The following CCL14 variants were observed in gnomAD, a reference collection of about 807,000 sequenced individuals.
The protein encoded by CCL14 is C-C motif chemokine 14.
Under a neutral mutation model 8.2 loss-of-function variants are expected in CCL14, and 8 were observed. The observed-to-expected ratio is 0.98, with a 90% CI of 0.57 to 1.76. The LOEUF (loss-of-function observed/expected upper bound fraction) is 1.76, where lower values mean the gene tolerates loss of function less well. CCL14 is among the 40% of genes most tolerant of loss of function. The pLI is 0.00. For missense variants in CCL14, 127 were observed against 118.3 expected (o/e 1.07, Z -0.34); for synonymous variants, 50 against 43.2 (o/e 1.16, Z -0.62).
intron 1 of CCL14, chr17:35,985,835 G>A (rs2089758770): frequency 6.7e-7 from 1 of 1,496,180 alleles, no homozygotes; most frequent in South Asian, 1.2e-5. Flanking sequence ...GTGATAAATA[G>A]TTTTGGTTAT....
rs1256279698 is a variant in CCL14, at chr17:35,983,697, A to G, written c.*104T>C. The stretch of plus-strand genomic sequence containing the variant: ...CTTTAATTCAAAGCAGGGAAGCTCC[A>G]AGAGGGTGACTGGGGCTGAGAGTTA... On this transcript the variant is annotated 3_prime_UTR_variant, in exon 3 of 3. Coordinates refer to ENST00000618404, the MANE Select transcript of CCL14 (RefSeq NM_032963.4). 1 of 810,168 alleles carries G rather than the reference A, an allele frequency of 1.2e-6. No homozygotes were observed. The highest frequency in any genetic ancestry group is 1.8e-5 in the Admixed American group (1 of 56,028). The allele number at this position is 810,168 out of a possible 1,614,324, so 50.2% of individuals were successfully genotyped here. A position where few individuals can be genotyped will look rare whatever the true frequency, so the allele number is the denominator to read the frequency against.
At chr17:35,985,792 G>A in intron 1 of CCL14, 1 of 1,551,114 alleles carries the variant, frequency 6.4e-7, no homozygotes, top group Non-Finnish European at 8.7e-7. Context: ...TTTCCCCCCA[G>A]TTTCTGAAAA....
intron 1 of CCL14, chr17:35,985,623 G>A (rs1011826071): frequency 2.1e-5 from 16 of 762,850 alleles, no homozygotes; most frequent in Non-Finnish European, 3.3e-5. Flanking sequence ...GCATCCTCAC[G>A]ATCCAAAGAA....
chr17:35,986,663 G>C lies in CCL14; in HGVS notation c.-14C>G. 1 of 1,608,484 alleles carries C rather than the reference G, an allele frequency of 6.2e-7. No individual in the cohort carries two copies. The highest frequency in any genetic ancestry group is 1.1e-5 in the South Asian group (1 of 90,958). ...GGAGATCTTCATGCTGTGGGAAGCT[G>C]TTGTGGGAGGAGAGCTGGCCTGGTG... On this transcript the variant is annotated 5_prime_UTR_variant, in exon 1 of 3. Coordinates refer to ENST00000618404, the MANE Select transcript of CCL14 (RefSeq NM_032963.4).
chr17:35,985,806 G>C (rs1398099180), intron 1 of CCL14: 2 of 1,549,118 alleles, frequency 1.3e-6, no homozygotes, highest in Admixed American at 3.9e-5. Context: ...CTGAAAAGGA[G>C]AGTAGGTAAA....
chr17:35,983,671 T>C lies in CCL14; in HGVS notation c.*130A>G, dbSNP rs976545129. The stretch of plus-strand genomic sequence containing the variant: ...TGAGGCCAGGGAAGAGCATGAGTGG[T>C]CTTTAATTCAAAGCAGGGAAGCTCC... On this transcript the variant is annotated 3_prime_UTR_variant, in exon 3 of 3. Coordinates refer to ENST00000618404, the MANE Select transcript of CCL14 (RefSeq NM_032963.4). 1.4e-6 allele frequency: 1 copy of C among 699,750 alleles called. No individual in the cohort carries two copies. Among genetic ancestry groups the C allele is most frequent in the Admixed American group, 2.1e-5 (1 of 47,364 alleles). 43.3% of individuals were successfully genotyped at this position (699,750 alleles called of 1,614,324 possible). A position where few individuals can be genotyped will look rare whatever the true frequency, so the allele number is the denominator to read the frequency against.
intron 1 of CCL14, chr17:35,985,250 T>A (rs2089745487): frequency 6.3e-6 from 1 of 157,830 alleles, no homozygotes; most frequent in South Asian, 2.0e-4. Flanking sequence ...TGGGCCTCTG[T>A]GGAAGATATT....
chr17:35,984,071 C>A (rs1272822212), intron 2 of CCL14, among the ~76,000 whole-genome samples, 183 bp from the exon 3 acceptor site: 1 of 152,158 alleles, frequency 6.6e-6, no homozygotes, highest in Non-Finnish European at 1.5e-5. Context: ...ACCCCTAGAC[C>A]CATCTAGTCT....
At chr17:35,986,326 A>C (rs1226599178) in intron 1 of CCL14, 45 of 498,390 alleles carry the variant, frequency 9.0e-5, no homozygotes, top group Non-Finnish European at 1.5e-4. Flanking sequence ...ATCCCAACTT[A>C]AACTCTTAAG....
Position 35,985,916 on chromosome 17 carries a change from T to C in CCL14, c.79+655A>G, listed in dbSNP as rs2089759975. 1.0e-5 allele frequency: 8 copies of C among 800,568 alleles called. No individual in the cohort carries two copies. The East Asian group carries it at 1.6e-4, about 16-fold the overall frequency. The allele number at this position is 800,568 out of a possible 1,614,324, so 49.6% of individuals were successfully genotyped here. ...CTAGGATGGACCCCACACTGTCGTG[T>C]TTCCCCCCAGCCCATACCCAAGCAA... On this transcript the variant is annotated intron_variant, in intron 1 of 2. Coordinates refer to ENST00000618404, the MANE Select transcript of CCL14 (RefSeq NM_032963.4).
At chr17:35,986,367 T>A (rs1241034915) in intron 1 of CCL14, 2 of 586,450 alleles carry the variant, frequency 3.4e-6, no homozygotes, top group East Asian at 2.8e-5. Flanking sequence ...CTCATCTCCA[T>A]CCTGCTCACC....
intron 1 of CCL14, 37 bp downstream of exon 1, chr17:35,986,534 G>C: frequency 1.3e-6 from 2 of 1,539,332 alleles, no homozygotes; most frequent in East Asian, 2.2e-5. Flanking sequence ...TTCCCTGCAG[G>C]CTCTAGGTTG....
intron 1 of CCL14, chr17:35,985,762 T>C: frequency 6.4e-7 from 1 of 1,551,596 alleles, no homozygotes; most frequent in East Asian, 2.4e-5. Flanking sequence ...CAACTTTAGC[T>C]GTATTTTAAC....
chr17:35,984,253 C>T, intron 2 of CCL14, 85 bp downstream of exon 2: 4 of 1,010,132 alleles, frequency 4.0e-6, no homozygotes, highest in Non-Finnish European at 3.1e-6. Context: ...GCTGGGGGTC[C>T]CCATTCCACC....
chr17:35,986,133 C>T, intron 1 of CCL14: 1 of 401,704 alleles, frequency 2.5e-6, no homozygotes, highest in East Asian at 4.7e-5. Context: ...GAGAGGCAGG[C>T]TGGTCTCACT....
chr17:35,986,102 G>A (rs2089763341), intron 1 of CCL14: 2 of 440,572 alleles, frequency 4.5e-6, no homozygotes, highest in African/African-American at 4.1e-5. Flanking sequence ...TAGCGGCAAA[G>A]AGAGAGAAAT....
At chr17:35,984,552 G>A (rs914067946) in intron 1 of CCL14, 100 bp from the exon 2 acceptor site, 2 of 748,350 alleles carry the variant, frequency 2.7e-6, no homozygotes, top group Non-Finnish European at 4.8e-6. Context: ...GAAGGAAGGA[G>A]GAGACAGCCC....
In CCL14 at chr17:35,984,353, G is replaced by A; in HGVS notation, c.179C>T (p.Ser60Phe). The change falls in exon 2 of 3, where the codon TCC becomes TTC. Residue 60 changes from serine (S) to phenylalanine (F), a missense_variant. Coordinates refer to ENST00000618404, the MANE Select transcript of CCL14 (RefSeq NM_032963.4). ...MDYYETNSQC[S>F]KPGIVFITKR... ...TACCACCTACACAATTCCGGGCTTGGAGCACTGGCTGTTGGTCTCATAGTA... is the reference window on the plus strand; with the variant it reads ...TACCACCTACACAATTCCGGGCTTGAAGCACTGGCTGTTGGTCTCATAGTA... 1 of 1,612,998 alleles carries A rather than the reference G, an allele frequency of 6.2e-7. No individual in the cohort carries two copies. Among genetic ancestry groups the A allele is most frequent in the Non-Finnish European group, 8.5e-7 (1 of 1,179,130 alleles).
chr17:35,984,200 C>A, intron 2 of CCL14, 138 bp downstream of exon 2: 1 of 677,918 alleles, frequency 1.5e-6, no homozygotes. Flanking sequence ...GCTCAGATTG[C>A]CCCTCAGCTG....
Sources: allele counts gnomAD v4.1 joint callset (sites outside exome capture counted in the v4.1 genomes callset), GRCh38; gene constraint gnomAD v4.1.1; transcripts MANE v1.5; gene names NCBI Gene and HGNC (gene_info 2026-07-23, HGNC 2026-07-21).